VPS54: variants seen among roughly 807,000 people sequenced by gnomAD.
VPS54 encodes vacuolar protein sorting-associated protein 54.
Under a neutral mutation model 121.5 loss-of-function variants are expected in VPS54, and 45 were observed. That is an observed-to-expected ratio of 0.37 (90% CI 0.29 to 0.47). VPS54 has a LOEUF of 0.47. Ranked by LOEUF, VPS54 falls within the 20% of genes least tolerant of loss-of-function variation. VPS54 has a pLI of 0.99. For missense variants in VPS54, 1,090 were observed against 1,131.4 expected (o/e 0.96, Z 0.52); for synonymous variants, 371 against 385.8 (o/e 0.96, Z 0.45).
chr2:63,933,622 T>G, intron 12 of VPS54, 51 bp downstream of exon 12: 1 of 1,512,290 alleles, frequency 6.6e-7, no homozygotes, highest in Non-Finnish European at 9.0e-7. Flanking sequence ...CTGAATCCAT[T>G]AATAAGATGA....
chr2:63,920,107 C>T, intron 14 of VPS54, 112 bp from the exon 15 acceptor site: 6 of 806,070 alleles, frequency 7.4e-6, no homozygotes, highest in Non-Finnish European at 1.1e-5. Context: ...TTAAAAAGTG[C>T]TGAACACTTT....
intron 12 of VPS54, among the ~76,000 whole-genome samples, chr2:63,922,933 TAA>T (rs555242935): frequency 4.9e-5 from 7 of 143,830 alleles, no homozygotes; most frequent in Non-Finnish European, 6.1e-5. Flanking sequence ...CTCAAGTCCT[TAA>T]AAAAAAAAAA....
At position 63,933,828 on chromosome 2, in the gene VPS54, T is replaced by G. The variant is rs1312402111; in HGVS notation, c.1584A>C (p.Thr528=). Residue 528 remains threonine, a synonymous_variant, in exon 12 of 23, where the codon ACA becomes ACC. Transcript: ENST00000272322. ...ISDAFGEGEL[T]PIAVDTTSQR... is the part of the protein sequence containing the mutation. The stretch of plus-strand genomic sequence containing the variant: ...GAGAGGTAGTGTCAACTGCTATAGG[T>G]GTTAGCTCACCCTCACCGAATGCAT... 1.2e-6 allele frequency: 2 copies of G among 1,613,724 alleles called. No individual in the cohort carries two copies.
chr2:63,938,059 G>GTGTGTGTGTGTGTGTGTGTGTGT (rs9309357), intron 11 of VPS54, among the ~76,000 whole-genome samples: 1 of 140,384 alleles, frequency 7.1e-6, no homozygotes, highest in African/African-American at 2.8e-5. Context: ...TGGTGTGTGT[G>GTGTGTGTGTGTGTGTGTGTGTGT]GTGTGTGTGT....
intron 11 of VPS54, among the ~76,000 whole-genome samples, chr2:63,938,187 A>C (rs549364706): frequency 6.6e-6 from 1 of 151,722 alleles, no homozygotes; most frequent in Non-Finnish European, 1.5e-5. Flanking sequence ...GACTGGTCTC[A>C]AACTCTGGTC....
At chr2:63,923,234 T>A (rs1426574216) in intron 12 of VPS54, among the ~76,000 whole-genome samples, 1 of 151,294 alleles carries the variant, frequency 6.6e-6, no homozygotes, top group African/African-American at 2.4e-5. Context: ...GAGAATGGTG[T>A]GAACCCGGTA....
intron 16 of VPS54, 150 bp downstream of exon 16, chr2:63,916,750 T>C (rs13027117): frequency 0.24 from 166,781 of 695,144 alleles, 22,342 homozygotes; most frequent in Middle Eastern, 0.31. Context: ...AAAGTTTCCT[T>C]TAAGTTCTTT....
chr2:64,004,654 TAC>T (rs1327362199), intron 1 of VPS54, among the ~76,000 whole-genome samples: 1 of 152,246 alleles, frequency 6.6e-6, no homozygotes, highest in Non-Finnish European at 1.5e-5. Context: ...GGATTTCTTT[TAC>T]AGTCTGGCGA....
intron 2 of VPS54, 140 bp downstream of exon 2, chr2:63,983,724 G>T (rs879763000): frequency 4.6e-6 from 5 of 1,098,832 alleles, no homozygotes; most frequent in African/African-American, 3.2e-5. Context: ...TTACAGGCGT[G>T]AGCCACCGTG....
At chr2:63,912,207 T>A in intron 20 of VPS54, 138 bp downstream of exon 20, 2 of 905,210 alleles carry the variant, frequency 2.2e-6, no homozygotes, top group East Asian at 2.8e-5. Flanking sequence ...TGAAAAAAAA[T>A]TTAAAATTCT....
chr2:63,966,531 C>G (rs1676011291), intron 5 of VPS54, among the ~76,000 whole-genome samples: 1 of 152,188 alleles, frequency 6.6e-6, no homozygotes, highest in Non-Finnish European at 1.5e-5. Context: ...TCTCTGCTTT[C>G]CTGTATCTCC....
intron 20 of VPS54, among the ~76,000 whole-genome samples, chr2:63,910,427 T>C (rs1673099462): frequency 6.6e-6 from 1 of 152,216 alleles, no homozygotes; most frequent in South Asian, 2.1e-4. Context: ...ATGCAATCTG[T>C]GAACCGTGTA....
chr2:63,966,091 A>G (rs981693665), intron 5 of VPS54, 125 bp from the exon 6 acceptor site: 15 of 942,092 alleles, frequency 1.6e-5, no homozygotes, highest in Middle Eastern at 3.5e-4. Flanking sequence ...AAAGCAAGTG[A>G]TAACAGTTGA....
At position 63,892,292 on chromosome 2, in the gene VPS54, C is replaced by G. The variant is rs1272737171; in HGVS notation, c.*1138G>C. 1 of 152,020 alleles carries G rather than the reference C, an allele frequency of 6.6e-6. No individual in the cohort carries two copies. The highest frequency in any genetic ancestry group is 1.5e-5 in the Non-Finnish European group (1 of 68,012). 9.4% of individuals were successfully genotyped at this position (152,020 alleles called of 1,614,324 possible). ...ACTGTTTCATTATACATAATCACCA[C>G]AGGATATTAGGCACTCTGACAGGGT... On this transcript the variant is annotated 3_prime_UTR_variant, in exon 23 of 23. Transcript: ENST00000272322.
At chr2:63,906,130 T>C (rs1408202084) in intron 20 of VPS54, among the ~76,000 whole-genome samples, 1 of 152,214 alleles carries the variant, frequency 6.6e-6, no homozygotes, top group Non-Finnish European at 1.5e-5. Context: ...AAACCAAGCA[T>C]ATCTGTTTTC....
intron 11 of VPS54, among the ~76,000 whole-genome samples, chr2:63,938,006 G>C (rs1674529541): frequency 1.3e-5 from 2 of 151,794 alleles, no homozygotes; most frequent in African/African-American, 4.8e-5. Context: ...AAGTAGAATG[G>C]TGGTTGCCAG....
chr2:63,988,374 T>C (rs1355774754), intron 1 of VPS54, among the ~76,000 whole-genome samples: 1 of 152,236 alleles, frequency 6.6e-6, no homozygotes, highest in Non-Finnish European at 1.5e-5. Flanking sequence ...GAATAATATT[T>C]TTAATTGTTG....
At chr2:63,921,400 C>A in intron 12 of VPS54, 65 bp from the exon 13 acceptor site, 1 of 1,515,730 alleles carries the variant, frequency 6.6e-7, no homozygotes, top group Non-Finnish European at 8.9e-7. Flanking sequence ...CACAGGTGAC[C>A]TATCAATAAA....
chr2:63,980,356 T>A (rs1391718787), intron 3 of VPS54, among the ~76,000 whole-genome samples: 3 of 152,168 alleles, frequency 2.0e-5, no homozygotes, highest in Non-Finnish European at 2.9e-5. Flanking sequence ...ATGTTTCTTA[T>A]ATACAGCATA....
Sources: allele counts gnomAD v4.1 joint callset (sites outside exome capture counted in the v4.1 genomes callset), GRCh38; gene constraint gnomAD v4.1.1; transcripts MANE v1.5; gene names NCBI Gene and HGNC (gene_info 2026-07-23, HGNC 2026-07-21).